Variants in TMEM266 observed in about 807,000 individuals in gnomAD.
The protein encoded by TMEM266 is transmembrane protein 266.
Under a neutral mutation model 50.5 loss-of-function variants are expected in TMEM266, and 33 were observed. The observed-to-expected ratio is 0.65, with a 90% CI of 0.50 to 0.87. The LOEUF (loss-of-function observed/expected upper bound fraction) is 0.87. TMEM266 is among the 40% of genes least tolerant of loss of function. The probability of loss-of-function intolerance (pLI) is 0.00; values close to 1 mark genes in which losing one functional copy is unlikely to be tolerated. For missense variants in TMEM266, 655 were observed against 695.1 expected (o/e 0.94, Z 0.65); for synonymous variants, 310 against 292.3 (o/e 1.06, Z -0.62).
chr15:76,171,051 C>T lies in TMEM266; in HGVS notation c.572C>T (p.Ala191Val). 1 of 1,613,082 alleles carries T rather than the reference C, an allele frequency of 6.2e-7. No individual in the cohort carries two copies. ...GCTCCGATGGTGGCATCCACTGTGG[C>T]CAATGGACCCAGGAGCCCCTGGGAC... The change falls in exon 7 of 11, where the codon GCC (alanine) becomes GTC (valine). Residue 191 changes from alanine to valine, a missense_variant. Transcript: ENST00000388942.
In TMEM266 at chr15:76,067,687, G is replaced by GT. The variant is rs200991149; in HGVS notation, c.-97+7684dup. On this transcript the variant is annotated intron_variant, in intron 1 of 10. Transcript: ENST00000388942. ...AAAGAAAAGAAAAAGTCATTCTTGG[G>GT]TTTTTTTTTTTTTGGCATTGTATTT... is the stretch of plus-strand genomic sequence containing the variant. Among the ~76,000 whole-genome samples, 385 of 133,314 alleles carry GT rather than the reference G, an allele frequency of 2.9e-3. 1 individual carries two copies. Among genetic ancestry groups the GT allele is most frequent in the East Asian group, 6.8e-3 (31 of 4,544 alleles). 87.5% of individuals were successfully genotyped at this position (133,314 alleles called of 152,430 possible).
chr15:76,063,680 A>T (rs1380006890), intron 1 of TMEM266, among the ~76,000 whole-genome samples: 2 of 152,182 alleles, frequency 1.3e-5, no homozygotes, highest in Non-Finnish European at 2.9e-5. Context: ...TCCCCCATGG[A>T]ATGAATGCTC....
At chr15:76,114,435 A>T (rs944583214) in intron 1 of TMEM266, among the ~76,000 whole-genome samples, 3 of 152,116 alleles carry the variant, frequency 2.0e-5, no homozygotes, top group African/African-American at 7.2e-5. Context: ...CAGGAGGATC[A>T]CTTGAGCTGG....
At chr15:76,169,690 T>C in intron 5 of TMEM266, 126 bp from the exon 6 acceptor site, 2 of 1,065,162 alleles carry the variant, frequency 1.9e-6, no homozygotes, top group Non-Finnish European at 2.8e-6. Context: ...AAGGAATGCT[T>C]AGTGGATGGC....
At chr15:76,078,148 GA>G (rs1480221580) in intron 1 of TMEM266, among the ~76,000 whole-genome samples, 1 of 152,042 alleles carries the variant, frequency 6.6e-6, no homozygotes, top group Non-Finnish European at 1.5e-5. Context: ...TGTCAGGCCT[GA>G]ACTTTGTGGT....
In TMEM266 at chr15:76,183,147, G is replaced by A. The variant is rs184028042; in HGVS notation, c.768+7473G>A. Among the ~76,000 whole-genome samples the A allele has an allele frequency of 3.3e-3, 373 of 113,020 alleles. 8 individuals are homozygous for A. Among genetic ancestry groups the A allele is most frequent in the African/African-American group, 0.012 (347 of 29,750 alleles). The allele number at this position is 113,020 out of a possible 152,430, so 74.1% of individuals were successfully genotyped here. The stretch of plus-strand genomic sequence containing the variant: ...TTTTTTTTTTTTGAGATGGAGTCTC[G>A]CTCTGTGGCCCAGGCTGGAGTGCAG... On this transcript the variant is annotated intron_variant, in intron 8 of 10. Transcript: ENST00000388942.
chr15:76,071,556 C>G (rs1026770785), intron 1 of TMEM266, among the ~76,000 whole-genome samples: 2 of 152,132 alleles, frequency 1.3e-5, no homozygotes, highest in African/African-American at 4.8e-5. Context: ...TAACTCACAC[C>G]CTATGGAGAT....
intron 3 of TMEM266, among the ~76,000 whole-genome samples, chr15:76,149,311 A>C (rs1470334116): frequency 6.6e-6 from 1 of 152,052 alleles, no homozygotes; most frequent in African/African-American, 2.4e-5. Flanking sequence ...AGTGGTCTAG[A>C]ACTAGGAACA....
intron 3 of TMEM266, among the ~76,000 whole-genome samples, chr15:76,150,317 C>T (rs2037818921): frequency 6.6e-6 from 1 of 152,178 alleles, no homozygotes; most frequent in African/African-American, 2.4e-5. Context: ...CCCCAGGCTT[C>T]GATCTGGCTC....
chr15:76,129,094 G>C (rs1057200077), intron 1 of TMEM266, among the ~76,000 whole-genome samples: 2 of 152,008 alleles, frequency 1.3e-5, no homozygotes, highest in Non-Finnish European at 2.9e-5. Flanking sequence ...AATAGAAGCT[G>C]ACCAATGAAA....
chr15:76,119,966 C>T (rs1171500794), intron 1 of TMEM266, among the ~76,000 whole-genome samples: 1 of 152,160 alleles, frequency 6.6e-6, no homozygotes, highest in African/African-American at 2.4e-5. Flanking sequence ...CTTAAATAGT[C>T]CACAGCCACC....
At chr15:76,148,988 T>C (rs989272653) in intron 3 of TMEM266, among the ~76,000 whole-genome samples, 1 of 152,146 alleles carries the variant, frequency 6.6e-6, no homozygotes, top group African/African-American at 2.4e-5. Flanking sequence ...ACCTCCATCC[T>C]GAGAGTTCTG....
chr15:76,125,840 T>A (rs11856627), intron 1 of TMEM266, among the ~76,000 whole-genome samples: 1 of 129,758 alleles, frequency 7.7e-6, no homozygotes, highest in African/African-American at 3.0e-5. Context: ...AGAATGAGAC[T>A]CCATGTAAAA....
intron 1 of TMEM266, among the ~76,000 whole-genome samples, chr15:76,069,985 T>G (rs1425781151): frequency 6.6e-6 from 1 of 152,244 alleles, no homozygotes; most frequent in African/African-American, 2.4e-5. Context: ...TTTATTGAAT[T>G]TATTGAATAT....
At chr15:76,170,013 G>T (rs1405772854) in intron 6 of TMEM266, 141 bp downstream of exon 6, 1 of 769,992 alleles carries the variant, frequency 1.3e-6, no homozygotes, top group Non-Finnish European at 2.2e-6. Flanking sequence ...TGTGCATGTT[G>T]GGTGGGGCAG....
At chr15:76,165,886 G>A (rs2038087125) in intron 5 of TMEM266, among the ~76,000 whole-genome samples, 1 of 152,230 alleles carries the variant, frequency 6.6e-6, no homozygotes, top group African/African-American at 2.4e-5. Flanking sequence ...GTCTCCTGTT[G>A]TAACCCGGGG....
chr15:76,204,465 C>A lies in TMEM266; in HGVS notation c.*150C>A, dbSNP rs888036170. The A allele has an allele frequency of 4.5e-6, 3 of 666,204 alleles. No individual in the cohort carries two copies. Among genetic ancestry groups the A allele is most frequent in the African/African-American group, 3.6e-5 (2 of 55,140 alleles). The allele number at this position is 666,204 out of a possible 1,614,324, so 41.3% of individuals were successfully genotyped here. ...CTGCCTCCAGGGAGGCGACGCCAGG[C>A]CAGGAGGCCACAAGCTTCAGACCTC... On this transcript the variant is annotated 3_prime_UTR_variant, in exon 11 of 11. Transcript: ENST00000388942.
chr15:76,074,131 G>A (rs1178973597), intron 1 of TMEM266, among the ~76,000 whole-genome samples: 2 of 151,844 alleles, frequency 1.3e-5, no homozygotes, highest in Non-Finnish European at 2.9e-5. Context: ...ATGCTTTTTT[G>A]CATTAAGGAA....
chr15:76,166,134 A>G (rs1217190033), intron 5 of TMEM266, among the ~76,000 whole-genome samples: 5 of 151,768 alleles, frequency 3.3e-5, no homozygotes, highest in Non-Finnish European at 7.4e-5. Context: ...AGGTGTTAAG[A>G]CTATACTCAG....
Sources: allele counts gnomAD v4.1 joint callset (sites outside exome capture counted in the v4.1 genomes callset), GRCh38; gene constraint gnomAD v4.1.1; transcripts MANE v1.5; gene names NCBI Gene and HGNC (gene_info 2026-07-23, HGNC 2026-07-21).